LHFPL3: variants seen among roughly 807,000 people sequenced by gnomAD.
LHFPL3 encodes LHFPL tetraspan subfamily member 3 protein.
LHFPL3 carries 5 observed loss-of-function variants against 19.3 expected under a neutral mutation model. The observed-to-expected ratio is 0.26, with a 90% CI of 0.14 to 0.54. LHFPL3 has a LOEUF of 0.54. LHFPL3 is among the 20% of genes least tolerant of loss of function. LHFPL3 has a pLI of 0.94. For missense variants in LHFPL3, 249 were observed against 307.4 expected, an observed-to-expected ratio of 0.81 and a Z score of 1.42; for synonymous variants, 133 against 126.2, an observed-to-expected ratio of 1.05 and a Z score of -0.36.
At chr7:104,496,119 T>G (rs546360436) in intron 1 of LHFPL3, among the ~76,000 whole-genome samples, 7 of 152,112 alleles carry the variant, frequency 4.6e-5, no homozygotes, top group Non-Finnish European at 1.0e-4. Context: ...TCCCTCCTCC[T>G]TCCCCCCACC....
At chr7:104,536,518 G>T (rs1173791674) in intron 1 of LHFPL3, among the ~76,000 whole-genome samples, 2 of 152,106 alleles carry the variant, frequency 1.3e-5, no homozygotes, top group African/African-American at 4.8e-5. Flanking sequence ...CCTAAAATAA[G>T]AATAAATAAT....
chr7:104,820,939 T>C (rs1333388807), intron 2 of LHFPL3, among the ~76,000 whole-genome samples: 1 of 152,148 alleles, frequency 6.6e-6, no homozygotes, highest in Non-Finnish European at 1.5e-5. Context: ...GACAGGAGCC[T>C]AGAGAGACAC....
At chr7:104,793,216 C>T (rs1340194601) in intron 2 of LHFPL3, among the ~76,000 whole-genome samples, 1 of 152,086 alleles carries the variant, frequency 6.6e-6, no homozygotes, top group Non-Finnish European at 1.5e-5. Context: ...TTCTAAGATG[C>T]AGTCAGAACA....
At chr7:104,668,593 G>T in intron 1 of LHFPL3, 2 of 1,612,666 alleles carry the variant, frequency 1.2e-6, no homozygotes, top group Non-Finnish European at 8.5e-7. Flanking sequence ...AGTGGGTATC[G>T]CAGGGATGAT....
chr7:104,781,843 A>G (rs1257990065), intron 2 of LHFPL3, among the ~76,000 whole-genome samples: 1 of 152,100 alleles, frequency 6.6e-6, no homozygotes, highest in Non-Finnish European at 1.5e-5. Flanking sequence ...CCATGACACC[A>G]CACTCTCCTT....
chr7:104,663,019 A>C (rs1297299036), intron 1 of LHFPL3, among the ~76,000 whole-genome samples: 1 of 152,226 alleles, frequency 6.6e-6, no homozygotes, highest in East Asian at 1.9e-4. Context: ...CTCTCAAGTT[A>C]AACTGTGCTG....
intron 1 of LHFPL3, among the ~76,000 whole-genome samples, chr7:104,369,140 A>G (rs957162231): frequency 1.3e-5 from 2 of 152,192 alleles, no homozygotes; most frequent in African/African-American, 2.4e-5. Flanking sequence ...GAGTTGTAAT[A>G]TGATCACCAT....
intron 1 of LHFPL3, among the ~76,000 whole-genome samples, chr7:104,487,815 C>T (rs910002160): frequency 1.3e-5 from 2 of 152,102 alleles, no homozygotes; most frequent in South Asian, 2.1e-4. Context: ...GATGTTTGTT[C>T]ACAATTTTTA....
intron 1 of LHFPL3, among the ~76,000 whole-genome samples, chr7:104,358,416 T>C (rs181473162): frequency 1.3e-5 from 2 of 152,324 alleles, no homozygotes; most frequent in Admixed American, 1.3e-4. Context: ...CAGTAGGGTG[T>C]AATTTAAAAG....
intron 1 of LHFPL3, among the ~76,000 whole-genome samples, chr7:104,640,839 A>G (rs969779465): frequency 2.6e-5 from 4 of 152,240 alleles, no homozygotes; most frequent in Admixed American, 2.6e-4. Context: ...GGAAAATGTG[A>G]GCAATGATCT....
At chr7:104,718,118 G>A (rs185244424) in intron 1 of LHFPL3, among the ~76,000 whole-genome samples, 42 of 152,296 alleles carry the variant, frequency 2.8e-4, no homozygotes, top group African/African-American at 9.6e-4. Context: ...TCAGTGAGTG[G>A]AATAGTGGCT....
At chr7:104,698,850 C>T (rs1793048434) in intron 1 of LHFPL3, among the ~76,000 whole-genome samples, 1 of 151,974 alleles carries the variant, frequency 6.6e-6, no homozygotes, top group Non-Finnish European at 1.5e-5. Flanking sequence ...ACAACTTAAT[C>T]AAAAAAGACC....
intron 1 of LHFPL3, among the ~76,000 whole-genome samples, chr7:104,678,276 G>A (rs1777781376): frequency 1.3e-5 from 2 of 152,260 alleles, no homozygotes; most frequent in African/African-American, 4.8e-5. Context: ...AGAGAATTCT[G>A]GGCAGGTTTA....
At chr7:104,339,235 C>G (rs192727274) in intron 1 of LHFPL3, among the ~76,000 whole-genome samples, 1 of 149,688 alleles carries the variant, frequency 6.7e-6, no homozygotes, top group Admixed American at 6.8e-5. Flanking sequence ...GCAACAAGAG[C>G]GAAACTCCGT....
intron 1 of LHFPL3, among the ~76,000 whole-genome samples, chr7:104,424,835 A>T (rs989632601): frequency 6.6e-6 from 1 of 151,912 alleles, no homozygotes; most frequent in African/African-American, 2.4e-5. Flanking sequence ...ACAAAAAATT[A>T]GCCGGGCGTG....
intron 2 of LHFPL3, among the ~76,000 whole-genome samples, chr7:104,737,375 C>T (rs1321292271): frequency 2.6e-5 from 4 of 152,038 alleles, no homozygotes; most frequent in Non-Finnish European, 5.9e-5. Flanking sequence ...GAATTCAGAC[C>T]CAACTTCTCA....
intron 2 of LHFPL3, among the ~76,000 whole-genome samples, chr7:104,861,273 C>G (rs1791614571): frequency 6.6e-6 from 1 of 152,172 alleles, no homozygotes; most frequent in Admixed American, 6.5e-5. Context: ...CAAGGCAGGT[C>G]TGGGTTTGAG....
At chr7:104,777,994 C>T (rs1196700473) in intron 2 of LHFPL3, among the ~76,000 whole-genome samples, 1 of 152,108 alleles carries the variant, frequency 6.6e-6, no homozygotes, top group Non-Finnish European at 1.5e-5. Context: ...AACTTGTTCT[C>T]CTTCCCCAAA....
chr7:104,873,490 G>A (rs945250934), intron 2 of LHFPL3, among the ~76,000 whole-genome samples: 13 of 127,656 alleles, frequency 1.0e-4, no homozygotes, highest in Middle Eastern at 3.6e-3. Context: ...CCAGGCGTGC[G>A]GTAGCACTAC....
Sources: allele counts gnomAD v4.1 joint callset (sites outside exome capture counted in the v4.1 genomes callset), GRCh38; gene constraint gnomAD v4.1.1; transcripts MANE v1.5; gene names NCBI Gene and HGNC (gene_info 2026-07-23, HGNC 2026-07-21).